Variants in PDS5B observed in about 807,000 individuals in gnomAD.
PDS5B encodes the protein PDS5 cohesin associated factor B.
A neutral mutation model predicts 184.1 loss-of-function variants in PDS5B; 51 were observed. The observed-to-expected ratio is 0.28, with a 90% CI of 0.22 to 0.35. The LOEUF (loss-of-function observed/expected upper bound fraction) is 0.35, where lower values mean the gene tolerates loss of function less well. Among genes scored for constraint, PDS5B ranks in the 10% least tolerant of loss-of-function variants. The pLI is 1.00. For synonymous variants in PDS5B, 566 were observed against 569.2 expected, an observed-to-expected ratio of 0.99 and a Z score of 0.08; for missense variants, 1,180 against 1,723.3, an observed-to-expected ratio of 0.68 and a Z score of 5.58.
At chr13:32,614,513 G>GC (rs2058190681) in intron 1 of PDS5B, among the ~76,000 whole-genome samples, 1 of 152,040 alleles carries the variant, frequency 6.6e-6, no homozygotes, top group Non-Finnish European at 1.5e-5. Context: ...GACCAGGCTG[G>GC]CCTTGAACTC....
Position 32,760,717 on chromosome 13 carries a change from G to A in PDS5B, c.3515G>A (p.Gly1172Glu), listed in dbSNP as rs774891315. Residue 1172 changes from glycine (G) to glutamate (E), a missense_variant, in exon 30 of 35, where the codon GGG (glycine) becomes GAG (glutamate). Physicochemically the swap from Gly to Glu is moderately conservative, Grantham distance 98. This residue lies in a region of PDS5B where 465 missense variants were observed against 497.8 expected (regional missense o/e 0.93). Transcript: ENST00000315596. ...SNPSSPGRIK[G>E]RLDSSEMDHS... ...CCAAGCTCTCCTGGAAGAATAAAGG[G>A]GAGGTAAGTGCAAAAGAAATGCCAC... 6.2e-7 allele frequency: 1 copy of A among 1,612,656 alleles called. No individual in the cohort carries two copies. Among genetic ancestry groups the A allele is most frequent in the Non-Finnish European group, 8.5e-7 (1 of 1,179,372 alleles).
rs1426078424 is a variant in PDS5B, at chr13:32,716,736, C to T, written c.2123+6630C>T. ...GAGGGGCGCTTTTGCCCAGCCGCCC[C>T]TACTGGGAAGTGAGGGGCCCCTCTG... On this transcript the variant is annotated intron_variant, in intron 19 of 34. Coordinates refer to ENST00000315596, the MANE Select transcript of PDS5B (RefSeq NM_015032.4). Among the ~76,000 whole-genome samples, 34 of 131,628 alleles carry T rather than the reference C, an allele frequency of 2.6e-4. 1 individual carries two copies. Among genetic ancestry groups the T allele is most frequent in the African/African-American group, 8.3e-4 (29 of 35,006 alleles). 86.4% of individuals were successfully genotyped at this position (131,628 alleles called of 152,430 possible).
At chr13:32,695,073 T>C (rs1951664192) in intron 14 of PDS5B, among the ~76,000 whole-genome samples, 1 of 151,834 alleles carries the variant, frequency 6.6e-6, no homozygotes, top group Non-Finnish European at 1.5e-5. Context: ...AACTTTCACC[T>C]TTTCCCTAGG....
At chr13:32,731,578 C>T (rs1953124196) in intron 19 of PDS5B, among the ~76,000 whole-genome samples, 1 of 144,194 alleles carries the variant, frequency 6.9e-6, no homozygotes, top group Non-Finnish European at 1.5e-5. Context: ...TATCTTGTCC[C>T]TAAAATGCTA....
At chr13:32,637,119 A>G (rs2058575004) in intron 1 of PDS5B, among the ~76,000 whole-genome samples, 1 of 152,260 alleles carries the variant, frequency 6.6e-6, no homozygotes, top group South Asian at 2.1e-4. Context: ...TAAGTAAGGC[A>G]GTGATATGAA....
At chr13:32,740,685 A>G (rs1407791685) in intron 21 of PDS5B, among the ~76,000 whole-genome samples, 1 of 146,902 alleles carries the variant, frequency 6.8e-6, no homozygotes, top group Non-Finnish European at 1.5e-5. Context: ...CCAGCTCAAG[A>G]TTTTTTTTTT....
At chr13:32,598,771 T>TC (rs1491513969) in intron 1 of PDS5B, among the ~76,000 whole-genome samples, 4 of 61,982 alleles carry the variant, frequency 6.5e-5, no homozygotes, top group African/African-American at 1.9e-4. Flanking sequence ...TTTTTCTCTC[T>TC]TTTTTTTTTT....
chr13:32,673,775 T>C (rs755296952), intron 8 of PDS5B, among the ~76,000 whole-genome samples: 1 of 152,216 alleles, frequency 6.6e-6, no homozygotes, highest in Non-Finnish European at 1.5e-5. Context: ...TCATGTTGCC[T>C]ATGTTGAAAG....
chr13:32,699,035 C>T lies in PDS5B; in HGVS notation c.1601-695C>T, dbSNP rs539207272. 1.3e-4 allele frequency among the ~76,000 whole-genome samples: 20 copies of T among 152,218 alleles called. No individual in the cohort carries two copies. The South Asian group carries it at 4.1e-3, about 32-fold the overall frequency. On this transcript the variant is annotated intron_variant, in intron 15 of 34. Coordinates refer to ENST00000315596, the MANE Select transcript of PDS5B (RefSeq NM_015032.4). ...CACAAAGTGCCAAAGTTCCATTTTA[C>T]AATTTCTGTTATTGGAGATGCTATA...
At chr13:32,732,834 C>T (rs894248836) in intron 20 of PDS5B, among the ~76,000 whole-genome samples, 1 of 152,034 alleles carries the variant, frequency 6.6e-6, no homozygotes. Flanking sequence ...TTCATAAAAT[C>T]CTACTTTGTA....
chr13:32,599,931 A>G (rs917445521), intron 1 of PDS5B, among the ~76,000 whole-genome samples: 11 of 151,956 alleles, frequency 7.2e-5, no homozygotes, highest in African/African-American at 2.7e-4. Flanking sequence ...AACAAAAACA[A>G]AACCTTTTCT....
chr13:32,613,927 A>G (rs893459292), intron 1 of PDS5B, among the ~76,000 whole-genome samples: 4 of 152,328 alleles, frequency 2.6e-5, no homozygotes, highest in South Asian at 2.1e-4. Context: ...GGTATGAAGT[A>G]GGCATGCACA....
Position 32,715,151 on chromosome 13 carries a change from C to T in PDS5B, c.2123+5045C>T, listed in dbSNP as rs1952335696. 2.0e-5 allele frequency among the ~76,000 whole-genome samples: 3 copies of T among 152,188 alleles called. No individual in the cohort carries two copies. In the East Asian group the frequency reaches 5.8e-4, roughly 29 times the overall value. On this transcript the variant is annotated intron_variant, in intron 19 of 34. Coordinates refer to ENST00000315596, the MANE Select transcript of PDS5B (RefSeq NM_015032.4). ...GCGCAGTGGAAAATAATGAAGCTGG[C>T]TGACTTCTTTTCAAACCACACACAA...
chr13:32,660,416 G>A lies in PDS5B; in HGVS notation c.624+1136G>A, dbSNP rs187018290. On this transcript the variant is annotated intron_variant, in intron 6 of 34. Coordinates refer to ENST00000315596, the MANE Select transcript of PDS5B (RefSeq NM_015032.4). ...ATGCCACAAGCTCTACTGCCTGTGT[G>A]CTCAGGTGAGAAGGCAGAGGTCATG... Among the ~76,000 whole-genome samples, 188 of 152,336 alleles carry A rather than the reference G, an allele frequency of 1.2e-3. 1 individual carries two copies. Among genetic ancestry groups the A allele is most frequent in the African/African-American group, 4.3e-3 (180 of 41,582 alleles).
rs190597958 is a variant in PDS5B, at chr13:32,771,338, T to C, written c.4172+577T>C. ...TTTTAGATGTTCACACAAACACATT[T>C]ATAAGAGAGGTACAGTAAGAATCTG... On this transcript the variant is annotated intron_variant, in intron 33 of 34. Transcript: ENST00000315596. Among the ~76,000 whole-genome samples, 92 of 151,670 alleles carry C rather than the reference T, an allele frequency of 6.1e-4. 1 individual carries two copies. In the East Asian group the frequency reaches 0.013, roughly 22 times the overall value.
intron 3 of PDS5B, among the ~76,000 whole-genome samples, chr13:32,655,717 T>G (rs1214436073): frequency 6.6e-6 from 1 of 152,080 alleles, no homozygotes; most frequent in Non-Finnish European, 1.5e-5. Flanking sequence ...ATTAAGTTCC[T>G]TATACCTTCT....
intron 31 of PDS5B, among the ~76,000 whole-genome samples, chr13:32,767,746 C>T (rs1381856015): frequency 2.0e-5 from 3 of 151,934 alleles, no homozygotes; most frequent in African/African-American, 2.4e-5. Context: ...AGGCCATGTT[C>T]TTGTATAGGA....
At chr13:32,655,190 G>C in intron 3 of PDS5B, among the ~76,000 whole-genome samples, 1 of 122,566 alleles carries the variant, frequency 8.2e-6, no homozygotes, top group South Asian at 2.4e-4. Context: ...GCCAGCATCT[G>C]TCATTTTTTT....
chr13:32,742,747 C>T lies in PDS5B; in HGVS notation c.2612+20C>T, dbSNP rs1953602277. On this transcript the variant is annotated intron_variant, in intron 23 of 34. Coordinates refer to ENST00000315596, the MANE Select transcript of PDS5B (RefSeq NM_015032.4). ...AATTAGGTATGCAATTACTATTTCACAGTTCTTTGGATTGCATAATATTTC... is the reference window on the plus strand; with the variant it reads ...AATTAGGTATGCAATTACTATTTCATAGTTCTTTGGATTGCATAATATTTC... 3.7e-6 allele frequency: 6 copies of T among 1,603,062 alleles called. No individual in the cohort carries two copies. The highest frequency in any genetic ancestry group is 5.1e-6 in the Non-Finnish European group (6 of 1,171,380).
Sources: allele counts gnomAD v4.1 joint callset (sites outside exome capture counted in the v4.1 genomes callset), GRCh38; gene constraint gnomAD v4.1.1; regional missense constraint gnomAD v4.1.1; transcripts MANE v1.5; gene names NCBI Gene and HGNC (gene_info 2026-07-23, HGNC 2026-07-21).